Variants in STK38L observed in about 807,000 individuals in gnomAD.
STK38L encodes serine/threonine-protein kinase 38-like.
STK38L carries 28 observed loss-of-function variants against 59.7 expected under a neutral mutation model. The ratio of observed to expected loss-of-function variants is 0.47; its 90% CI spans 0.35 to 0.64. The LOEUF is 0.64. Among genes scored for constraint, STK38L ranks in the 30% least tolerant of loss-of-function variants. STK38L has a pLI of 0.01. For synonymous variants in STK38L, 162 were observed against 176.8 expected (o/e 0.92, Z 0.66); for missense variants, 314 against 555.8 (o/e 0.56, Z 4.37).
intron 1 of STK38L, 78 bp from the exon 2 acceptor site, chr12:27,297,632 T>C: frequency 3.4e-6 from 5 of 1,452,862 alleles, no homozygotes; most frequent in Non-Finnish European, 4.6e-6. Context: ...TAGTTGAAAT[T>C]GAACATTTTC....
intron 1 of STK38L, among the ~76,000 whole-genome samples, chr12:27,294,375 C>T (rs748269225): frequency 8.6e-5 from 13 of 151,794 alleles, no homozygotes; most frequent in South Asian, 2.1e-4. Flanking sequence ...CAAACATTAG[C>T]GTGCACCTGT....
chr12:27,280,571 T>C (rs1943632514), intron 1 of STK38L, among the ~76,000 whole-genome samples: 1 of 152,108 alleles, frequency 6.6e-6, no homozygotes, highest in Admixed American at 6.5e-5. Context: ...TGGGAACCCA[T>C]CTAGATGCAC....
chr12:27,315,219 T>C, intron 8 of STK38L, 70 bp from the exon 9 acceptor site: 1 of 1,574,148 alleles, frequency 6.4e-7, no homozygotes, highest in South Asian at 1.1e-5. Context: ...GTGTTTTAGA[T>C]GTATATGTAT....
At chr12:27,293,227 G>T (rs966882954) in intron 1 of STK38L, among the ~76,000 whole-genome samples, 4 of 152,124 alleles carry the variant, frequency 2.6e-5, no homozygotes, top group Admixed American at 1.3e-4. Context: ...GTTCCTTAAT[G>T]TTCCTCAAAA....
At chr12:27,296,618 T>G (rs1004569984) in intron 1 of STK38L, among the ~76,000 whole-genome samples, 30 of 152,216 alleles carry the variant, frequency 2.0e-4, no homozygotes, top group African/African-American at 7.2e-4. Flanking sequence ...TGGGGAACAC[T>G]TTTCAACTAA....
At chr12:27,275,304 G>A (rs145458885) in intron 1 of STK38L, among the ~76,000 whole-genome samples, 14 of 146,864 alleles carry the variant, frequency 9.5e-5, no homozygotes, top group Non-Finnish European at 1.2e-4. Context: ...GTTATTGTTC[G>A]TTTGTTTATA....
At chr12:27,282,327 G>A (rs1181236278) in intron 1 of STK38L, among the ~76,000 whole-genome samples, 1 of 152,078 alleles carries the variant, frequency 6.6e-6, no homozygotes, top group Non-Finnish European at 1.5e-5. Context: ...GTAAATATTG[G>A]CATTATGGTA....
At chr12:27,290,745 GTTGTA>G in intron 1 of STK38L, among the ~76,000 whole-genome samples, 1 of 152,194 alleles carries the variant, frequency 6.6e-6, no homozygotes, top group East Asian at 1.9e-4. Flanking sequence ...CGGGTGGGAT[GTTGTA>G]TTGTAAGGGG....
chr12:27,289,282 G>A (rs1267979756), intron 1 of STK38L, among the ~76,000 whole-genome samples: 2 of 151,764 alleles, frequency 1.3e-5, no homozygotes, highest in African/African-American at 4.8e-5. Flanking sequence ...AAATAAAATT[G>A]CTGCTTTGGT....
chr12:27,317,396 T>C lies in STK38L; in HGVS notation c.898T>C (p.Tyr300His). The C allele has an allele frequency of 6.2e-7, 1 of 1,613,490 alleles. No homozygotes were observed. ...TCCAGAAGTATTCATGCAGACTGGT[T>C]ACAACAAATTGTGTGACTGGTGGTC... The part of the protein sequence containing the change: ...IAPEVFMQTG[Y>H]NKLCDWWSLG... The change falls in exon 10 of 14, where the codon TAC becomes CAC. Residue 300 changes from tyrosine (Y) to histidine (H), a missense_variant. Around this residue, in one of 3 missense-constraint regions of STK38L, gnomAD observed 28 missense variants for 96.7 expected, o/e 0.29. Transcript: ENST00000389032.
chr12:27,259,240 C>T (rs569866827), intron 1 of STK38L, among the ~76,000 whole-genome samples: 2 of 152,284 alleles, frequency 1.3e-5, no homozygotes, highest in East Asian at 1.9e-4. Flanking sequence ...GTTTTTTCCT[C>T]ACTCTGAAAG....
At chr12:27,250,940 A>G (rs891730158) in intron 1 of STK38L, among the ~76,000 whole-genome samples, 3 of 148,382 alleles carry the variant, frequency 2.0e-5, no homozygotes, top group Non-Finnish European at 3.0e-5. Context: ...TGGAGCTTGC[A>G]GTGAGCTGAG....
In STK38L at chr12:27,281,074, T is replaced by G. The variant is rs1351004510; in HGVS notation, c.-11-16636T>G. Among the ~76,000 whole-genome samples, 42 of 5,520 alleles carry G rather than the reference T, an allele frequency of 7.6e-3. 17 individuals carry two copies. The highest frequency in any genetic ancestry group is 0.019 in the Admixed American group (13 of 680). The allele number at this position is 5,520 out of a possible 152,430, so 3.6% of individuals were successfully genotyped here. ...ATTTTTGGCTTTAGCTTTGTTTTTT[T>G]TTTTTTTTTTTTTTTTTTTTTTTTT... On this transcript the variant is annotated intron_variant, in intron 1 of 13. Coordinates refer to ENST00000389032, the MANE Select transcript of STK38L (RefSeq NM_015000.4).
intron 1 of STK38L, among the ~76,000 whole-genome samples, chr12:27,257,070 C>T (rs997767472): frequency 6.6e-6 from 1 of 152,146 alleles, no homozygotes; most frequent in African/African-American, 2.4e-5. Flanking sequence ...ACTAGAATTA[C>T]GGGAATTTAC....
chr12:27,311,732 CAAT>C (rs1944458385), intron 5 of STK38L, among the ~76,000 whole-genome samples: 1 of 147,530 alleles, frequency 6.8e-6, no homozygotes, highest in Admixed American at 6.9e-5. Context: ...TATATTATAA[CAAT>C]AATATAACAT....
chr12:27,247,732 A>G (rs1385857633), intron 1 of STK38L, among the ~76,000 whole-genome samples: 1 of 152,018 alleles, frequency 6.6e-6, no homozygotes, highest in Non-Finnish European at 1.5e-5. Flanking sequence ...CTGGACTCGA[A>G]CTTCTGGGCT....
intron 11 of STK38L, among the ~76,000 whole-genome samples, chr12:27,318,244 T>A (rs1211159334): frequency 2.0e-5 from 3 of 152,218 alleles, no homozygotes; most frequent in Non-Finnish European, 4.4e-5. Flanking sequence ...CTGTTACTGA[T>A]ATATATAAAA....
At chr12:27,270,691 T>G (rs139848736) in intron 1 of STK38L, among the ~76,000 whole-genome samples, 1 of 152,176 alleles carries the variant, frequency 6.6e-6, no homozygotes, top group East Asian at 1.9e-4. Context: ...TTAAATTTTT[T>G]TTTATGGAGA....
intron 3 of STK38L, among the ~76,000 whole-genome samples, chr12:27,307,448 A>C (rs369308207): frequency 1.1e-4 from 16 of 152,230 alleles, no homozygotes; most frequent in Admixed American, 1.0e-3. Context: ...ATTTAGAAGC[A>C]ATGTTTCTAA....
Sources: gnomAD v4.1 joint callset for allele counts (sites outside exome capture counted in the v4.1 genomes callset) on GRCh38, gnomAD v4.1.1 for gene constraint, gnomAD v4.1.1 regional missense constraint, MANE v1.5 for transcripts, NCBI Gene and HGNC (gene_info 2026-07-23, HGNC 2026-07-21) for gene names.